Variants in ABCC8 observed in about 807,000 individuals in gnomAD.
ABCC8 encodes ATP binding cassette subfamily C member 8.
In ABCC8, 137 loss-of-function variants were observed where a neutral mutation model predicts 188.0. That is an observed-to-expected ratio of 0.73 (90% confidence interval 0.63 to 0.84). The LOEUF is 0.84. ABCC8 is among the 40% of genes least tolerant of loss of function. The pLI, the probability that ABCC8 is intolerant of heterozygous loss-of-function variation, is 0.00. For missense variants in ABCC8, 1,750 were observed against 2,072.7 expected, an observed-to-expected ratio of 0.84 and a Z score of 3.02; for synonymous variants, 797 against 846.5, an observed-to-expected ratio of 0.94 and a Z score of 1.01.
chr11:17,431,461 T>TC (rs1432112288), intron 11 of ABCC8, among the ~76,000 whole-genome samples: 1 of 152,218 alleles, frequency 6.6e-6, no homozygotes, highest in Non-Finnish European at 1.5e-5. Flanking sequence ...CCCAAGTGTA[T>TC]CCGACAGGCT....
chr11:17,413,354 G>A, intron 20 of ABCC8, 40 bp downstream of exon 20: 1 of 1,613,592 alleles, frequency 6.2e-7, no homozygotes, highest in Non-Finnish European at 8.5e-7. Flanking sequence ...TAGGTTGGGG[G>A]TCCTGGCTTT....
chr11:17,475,755 T>C (rs983488698), intron 1 of ABCC8, among the ~76,000 whole-genome samples: 2 of 152,250 alleles, frequency 1.3e-5, no homozygotes, highest in African/African-American at 4.8e-5. Flanking sequence ...ATCTTTCCTT[T>C]CTTCCCCAAA....
At chr11:17,396,821 G>T in intron 33 of ABCC8, 95 bp downstream of exon 33, 1 of 1,504,984 alleles carries the variant, frequency 6.6e-7, no homozygotes, top group South Asian at 1.2e-5. Flanking sequence ...GGCCCTGGAG[G>T]GCCACGAGGT....
chr11:17,462,623 C>T (rs1390246109), intron 4 of ABCC8, among the ~76,000 whole-genome samples: 1 of 152,168 alleles, frequency 6.6e-6, no homozygotes, highest in Non-Finnish European at 1.5e-5. Context: ...TTCATGAAGG[C>T]AAGAACTTGG....
rs1185522247 is a variant in ABCC8, at chr11:17,402,888, G to C, written c.3558-135C>G. 7.6e-6 allele frequency: 8 copies of C among 1,053,914 alleles called. No homozygotes were observed. The Admixed American group carries it at 9.9e-5, about 13-fold the overall frequency. 65.3% of individuals were successfully genotyped at this position (1,053,914 alleles called of 1,614,324 possible). A position where few individuals can be genotyped will look rare whatever the true frequency, so the allele number is the denominator to read the frequency against. ...TCTAGGCCTCAGCTTCTTACCCCGT[G>C]AAGGGGGAAGACAATGCCACCAGCC... On this transcript the variant is annotated intron_variant, in intron 28 of 38. Transcript: ENST00000389817.
chr11:17,447,180 G>A (rs184156576), intron 8 of ABCC8, among the ~76,000 whole-genome samples: 129 of 152,266 alleles, frequency 8.5e-4, no homozygotes, highest in Admixed American at 7.7e-3. Flanking sequence ...GAACCTTCCC[G>A]CCCTCTGGGA....
At chr11:17,434,327 A>T (rs926005918) in intron 10 of ABCC8, among the ~76,000 whole-genome samples, 1 of 152,246 alleles carries the variant, frequency 6.6e-6, no homozygotes, top group Non-Finnish European at 1.5e-5. Context: ...ATAAATTGCT[A>T]CAACGCTCTT....
At chr11:17,410,241 G>T in intron 22 of ABCC8, 1 of 452,136 alleles carries the variant, frequency 2.2e-6, no homozygotes, top group Non-Finnish European at 4.1e-6. Context: ...GTGAGCACTT[G>T]ATTATTCCTG....
intron 12 of ABCC8, 81 bp from the exon 13 acceptor site, chr11:17,428,751 C>T (rs1955714172): frequency 6.3e-7 from 1 of 1,584,864 alleles, no homozygotes; most frequent in Admixed American, 1.7e-5. Flanking sequence ...ATAGAGAGCT[C>T]TGAGCAGGAT....
At chr11:17,458,318 C>A (rs1957068066) in intron 6 of ABCC8, among the ~76,000 whole-genome samples, 1 of 152,188 alleles carries the variant, frequency 6.6e-6, no homozygotes, top group Non-Finnish European at 1.5e-5. Flanking sequence ...CGGTAATAAA[C>A]CCCAGGGTTT....
Position 17,461,677 on chromosome 11 carries a change from T to G in ABCC8, c.728A>C (p.Lys243Thr). The G allele has an allele frequency of 6.2e-7, 1 of 1,614,228 alleles. No homozygotes were observed. Among genetic ancestry groups the G allele is most frequent in the Non-Finnish European group, 8.5e-7 (1 of 1,180,036 alleles). Residue 243 changes from lysine to threonine, a missense_variant, in exon 5 of 39, where the codon AAG (lysine) becomes ACG (threonine). Coordinates refer to ENST00000389817, the MANE Select transcript of ABCC8 (RefSeq NM_000352.6). The part of the protein sequence containing the change: ...MNAFIKTAHK[K>T]PIDLRAIGKL... ...CCCGATGGCTCGCAAGTCGATGGGC[T>G]TCTTGTGGGCAGTCTTGATGAAGGC...
chr11:17,449,911 A>C (rs1956694415), intron 7 of ABCC8, among the ~76,000 whole-genome samples: 1 of 152,174 alleles, frequency 6.6e-6, no homozygotes, highest in South Asian at 2.1e-4. Flanking sequence ...AAATAATGGC[A>C]ATGACATTTT....
chr11:17,461,358 C>T (rs149483083), intron 5 of ABCC8: 75 of 604,520 alleles, frequency 1.2e-4, no homozygotes, highest in Non-Finnish European at 2.0e-4. Context: ...TTGGACTAGA[C>T]GACCTAAACG....
chr11:17,444,000 G>A (rs1245604735), intron 8 of ABCC8, among the ~76,000 whole-genome samples: 1 of 152,188 alleles, frequency 6.6e-6, no homozygotes, highest in Non-Finnish European at 1.5e-5. Flanking sequence ...AAGAACAGAT[G>A]TGCTGGCTTC....
chr11:17,452,323 C>A (rs1269180295), intron 7 of ABCC8, among the ~76,000 whole-genome samples: 1 of 152,200 alleles, frequency 6.6e-6, no homozygotes, highest in Admixed American at 6.5e-5. Flanking sequence ...CATTAGTGAG[C>A]AAGACTTAAG....
At chr11:17,424,392 G>A (rs1955490657) in intron 16 of ABCC8, among the ~76,000 whole-genome samples, 1 of 152,132 alleles carries the variant, frequency 6.6e-6, no homozygotes, top group Admixed American at 6.5e-5. Flanking sequence ...TGTGTTCCCT[G>A]GGCTGGGGCA....
chr11:17,405,577 A>G lies in ABCC8; in HGVS notation c.3330-14T>C, dbSNP rs564091100. 2 of 1,614,226 alleles carry G rather than the reference A, an allele frequency of 1.2e-6. No homozygotes were observed. Among genetic ancestry groups the G allele is most frequent in the Non-Finnish European group, 1.7e-6 (2 of 1,180,020 alleles). ...GTCTCAAAAAACCTAAGAGGCAGCCAGAGGAAGAGTTACTCATTTGTCCAT... is the reference window on the plus strand; with the variant it reads ...GTCTCAAAAAACCTAAGAGGCAGCCGGAGGAAGAGTTACTCATTTGTCCAT... On this transcript the variant is annotated splice_polypyrimidine_tract_variant and intron_variant, in intron 26 of 38. Coordinates refer to ENST00000389817, the MANE Select transcript of ABCC8 (RefSeq NM_000352.6).
In ABCC8 at chr11:17,450,324, T is replaced by TTC. The variant is rs576893666; in HGVS notation, c.1177-1655_1177-1654dup. Among the ~76,000 whole-genome samples the TTC allele has an allele frequency of 6.9e-3, 520 of 75,674 alleles. 27 individuals are homozygous for TTC. Among genetic ancestry groups the TTC allele is most frequent in the African/African-American group, 0.027 (455 of 17,048 alleles). The allele number at this position is 75,674 out of a possible 152,430, so 49.6% of individuals were successfully genotyped here. ...TTTCTTTCTTTCTTTCTTTCTTTCT[T>TTC]TCTCTCTCTCTCTTTCCTTTCTTTC... is the stretch of plus-strand genomic sequence containing the variant. On this transcript the variant is annotated intron_variant, in intron 7 of 38. Transcript: ENST00000389817.
intron 6 of ABCC8, among the ~76,000 whole-genome samples, chr11:17,459,675 TA>T (rs1162313343): frequency 1.1e-4 from 16 of 152,302 alleles, no homozygotes; most frequent in African/African-American, 3.8e-4. Flanking sequence ...TGAAACTTAT[TA>T]GGGGTGAAAA....
Sources: allele counts gnomAD v4.1 joint callset (sites outside exome capture counted in the v4.1 genomes callset), GRCh38; gene constraint gnomAD v4.1.1; transcripts MANE v1.5; gene names NCBI Gene and HGNC (gene_info 2026-07-23, HGNC 2026-07-21).